The following AZIN2 variants were observed in gnomAD, a reference collection of about 807,000 sequenced individuals.
The protein encoded by AZIN2 is antizyme inhibitor 2.
AZIN2 carries 28 observed loss-of-function variants against 47.8 expected under a neutral mutation model. The observed-to-expected ratio is 0.59, with a 90% CI of 0.43 to 0.80. The LOEUF is 0.80. Among genes scored for constraint, AZIN2 ranks in the 30% least tolerant of loss-of-function variants. The pLI is 0.00. For missense variants in AZIN2, 535 were observed against 582.5 expected (o/e 0.92, Z 0.84); for synonymous variants, 221 against 239.4 (o/e 0.92, Z 0.71).
At chr1:33,096,606 T>C (rs569903648) in intron 8 of AZIN2, 101 bp from the exon 9 acceptor site, 2 of 1,452,618 alleles carry the variant, frequency 1.4e-6, no homozygotes, top group African/African-American at 1.4e-5. Flanking sequence ...CTTCCGGAAA[T>C]CAAAGCAGCT....
At chr1:33,111,183 C>A (rs532482162) in intron 10 of AZIN2, among the ~76,000 whole-genome samples, 1 of 152,342 alleles carries the variant, frequency 6.6e-6, no homozygotes, top group African/African-American at 2.4e-5. Flanking sequence ...TAACCTTAGG[C>A]AAGTTACTTA....
the AZIN2 span, among the ~76,000 whole-genome samples, chr1:33,154,417 G>A: frequency 6.6e-6 from 1 of 152,190 alleles, no homozygotes; most frequent in Non-Finnish European, 1.5e-5. Context: ...TGTAGGATCT[G>A]GGGCCTGCCA....
Position 33,093,276 on chromosome 1 carries a change from C to T in AZIN2, c.453-6C>T, listed in dbSNP as rs752456962. The T allele has an allele frequency of 1.1e-5, 17 of 1,613,740 alleles. No homozygotes were observed. Among genetic ancestry groups the T allele is most frequent in the African/African-American group, 5.3e-5 (4 of 74,894 alleles). ...TCCAGCAGAGGGGCACTGCGTGTCT[C>T]ATCAGGATGGTTCTGTGCATTGCTA... is the stretch of plus-strand genomic sequence containing the variant. On this transcript the variant is annotated splice_polypyrimidine_tract_variant and splice_region_variant and intron_variant, in intron 6 of 11. Transcript: ENST00000294517.
chr1:33,159,602 G>T, the AZIN2 span: 1 of 1,484,112 alleles, frequency 6.7e-7, no homozygotes, highest in Non-Finnish European at 9.0e-7. The surrounding 1 kb of genome is among the most constrained non-coding windows in gnomAD (Gnocchi z 4.2). Context: ...CTCTGCTAAG[G>T]ATCCCATCTG....
intron 10 of AZIN2, among the ~76,000 whole-genome samples, chr1:33,115,116 C>T (rs2124653693): frequency 6.6e-6 from 1 of 152,306 alleles, no homozygotes; most frequent in South Asian, 2.1e-4. Context: ...CAGAGTTCTA[C>T]TAACTCCCCC....
chr1:33,098,695 A>G lies in AZIN2; in HGVS notation c.1029+516A>G, dbSNP rs142653594. Among the ~76,000 whole-genome samples, 26 of 152,278 alleles carry G rather than the reference A, an allele frequency of 1.7e-4. No homozygotes were observed. In the East Asian group the frequency reaches 4.2e-3, roughly 25 times the overall value. The stretch of plus-strand genomic sequence containing the variant: ...AGGGCCTCCAGCAATTTTAATGGGC[A>G]TCTTTGAGAGGATAAAGAAAACCAG... On this transcript the variant is annotated intron_variant, in intron 10 of 11. Coordinates refer to ENST00000294517, the MANE Select transcript of AZIN2 (RefSeq NM_052998.4).
At position 33,120,147 on chromosome 1, in the gene AZIN2, G is replaced by A. The variant is rs777803401; in HGVS notation, c.1348G>A (p.Val450Met). ...CTGGGAGATCACAGACACCCTGTGC[G>A]TGGGCCCTGTCTTCACCCCAGCGAG... ...CGWEITDTLC[V>M]GPVFTPASIM is the part of the protein sequence containing the mutation. Residue 450 changes from valine to methionine, a missense_variant, in exon 12 of 12, where the codon GTG becomes ATG. By Grantham distance (21) the Val-to-Met change is conservative. Around this residue, in one of 3 missense-constraint regions of AZIN2, gnomAD observed 122 missense variants for 135.8 expected, o/e 0.90. Transcript: ENST00000294517. 1.1e-5 allele frequency: 17 copies of A among 1,613,332 alleles called. No homozygotes were observed. The highest frequency in any genetic ancestry group is 8.3e-5 in the Admixed American group (5 of 59,976).
chr1:33,144,262 C>T, the AZIN2 span, among the ~76,000 whole-genome samples: 10 of 152,132 alleles, frequency 6.6e-5, no homozygotes, highest in Admixed American at 3.9e-4. Flanking sequence ...CTCAGCCTCC[C>T]GAGCAGCTGG....
chr1:33,118,051 C>T lies in AZIN2; in HGVS notation c.1179C>T (p.Gly393=), dbSNP rs554970110. Reference sequence around the variant, plus strand: ...ACAACATGGGCGCCTACACTGTGGGCATGGGTTCCCCCTTTTGGGGGACCC... The same window carrying T: ...ACAACATGGGCGCCTACACTGTGGGTATGGGTTCCCCCTTTTGGGGGACCC... ...VFDNMGAYTV[G]MGSPFWGTQA... is the part of the protein sequence containing the mutation. The change falls in exon 11 of 12, where the codon GGC becomes GGT. Residue 393 remains glycine, a synonymous_variant. Transcript: ENST00000294517. 126 of 1,538,174 alleles carry T rather than the reference C, an allele frequency of 8.2e-5. 1 individual carries two copies. In the South Asian group the frequency reaches 1.3e-3, roughly 16 times the overall value.
chr1:33,114,642 C>T (rs919144779), intron 10 of AZIN2, among the ~76,000 whole-genome samples: 2 of 145,040 alleles, frequency 1.4e-5, no homozygotes, highest in Non-Finnish European at 1.5e-5. Context: ...CATGAGCCAC[C>T]GCGACCCGCC....
intron 10 of AZIN2, among the ~76,000 whole-genome samples, chr1:33,108,261 A>C (rs899437454): frequency 1.3e-5 from 2 of 152,208 alleles, no homozygotes; most frequent in African/African-American, 4.8e-5. Flanking sequence ...TGTTAGGAAA[A>C]CTAGATATCC....
the AZIN2 span, among the ~76,000 whole-genome samples, chr1:33,135,450 C>A: frequency 6.6e-6 from 1 of 152,186 alleles, no homozygotes; most frequent in East Asian, 1.9e-4. Flanking sequence ...ACGTGGCAGT[C>A]CCTCAATAAA....
chr1:33,087,856 T>C (rs1642101446), intron 5 of AZIN2, among the ~76,000 whole-genome samples: 1 of 152,154 alleles, frequency 6.6e-6, no homozygotes, highest in South Asian at 2.1e-4. Flanking sequence ...ATCAGGCACT[T>C]CTTATAGCTG....
downstream of AZIN2, among the ~76,000 whole-genome samples, chr1:33,128,235 G>A (rs534510226): frequency 3.0e-3 from 450 of 151,044 alleles, no homozygotes; most frequent in African/African-American, 0.011. Context: ...TCAGCCAGGC[G>A]TGGTGGCAAG....
At chr1:33,147,656 CA>C in the AZIN2 span, 1 of 1,613,946 alleles carries the variant, frequency 6.2e-7, no homozygotes, top group South Asian at 1.1e-5. The surrounding 1 kb of genome is among the most constrained non-coding windows in gnomAD (Gnocchi z 8.1). Flanking sequence ...CCGTAAGCCA[CA>C]ATGGTGCAGT....
At position 33,098,114 on chromosome 1, in the gene AZIN2, G is replaced by A. The variant is rs146499641; in HGVS notation, c.964G>A (p.Gly322Ser). 5 of 1,614,062 alleles carry A rather than the reference G, an allele frequency of 3.1e-6. No homozygotes were observed. The South Asian group carries it at 3.3e-5, about 11-fold the overall frequency. ...GACCATCGTGTACCACCTTGATGAG[G>A]GCGTGTATGGGATCTTCAACTCAGT... ...SKTIVYHLDE[G>S]VYGIFNSVLF... Residue 322 changes from glycine (G) to serine (S), a missense_variant, in exon 10 of 12, where the codon GGC becomes AGC. Gly to Ser is a moderately conservative substitution (Grantham distance 56). Around this residue, in one of 3 missense-constraint regions of AZIN2, gnomAD observed 409 missense variants for 429.0 expected, o/e 0.95. Coordinates refer to ENST00000294517, the MANE Select transcript of AZIN2 (RefSeq NM_052998.4).
chr1:33,105,476 A>C (rs75161412), intron 10 of AZIN2, among the ~76,000 whole-genome samples: 2,875 of 152,292 alleles, frequency 0.019, 77 homozygotes, highest in East Asian at 0.08. Context: ...TTCTGCATGG[A>C]TAGGGAGGCC....
Position 33,081,848 on chromosome 1 carries a change from T to C in AZIN2, c.-73+36T>C. On this transcript the variant is annotated intron_variant, in intron 3 of 11. Transcript: ENST00000294517. The surrounding 1 kb of genome is among the most constrained non-coding windows in gnomAD (Gnocchi z 4.2). ...TCAAGACTGGGGGCGCCCTGGAAAC[T>C]TCCCCACCCAAGTTTCTCAGATTTT... The C allele has an allele frequency of 3.7e-6, 1 of 273,870 alleles. No homozygotes were observed. Among genetic ancestry groups the C allele is most frequent in the South Asian group, 3.2e-5 (1 of 30,908 alleles). 17.0% of individuals were successfully genotyped at this position (273,870 alleles called of 1,614,324 possible). A position where few individuals can be genotyped will look rare whatever the true frequency, so the allele number is the denominator to read the frequency against.
At chr1:33,105,284 A>G (rs951963428) in intron 10 of AZIN2, among the ~76,000 whole-genome samples, 6 of 152,194 alleles carry the variant, frequency 3.9e-5, no homozygotes, top group Non-Finnish European at 8.8e-5. Context: ...TATTGTGAGC[A>G]TATGGTTTTC....
Sources: gnomAD v4.1 joint callset for allele counts (sites outside exome capture counted in the v4.1 genomes callset) on GRCh38, gnomAD v4.1.1 for gene constraint, gnomAD v4.1.1 regional missense constraint, Gnocchi (gnomAD v3.1) non-coding constraint, MANE v1.5 for transcripts, NCBI Gene and HGNC (gene_info 2026-07-23, HGNC 2026-07-21) for gene names.